The following MRPS6 variants were observed in gnomAD, a reference collection of about 807,000 sequenced individuals.
MRPS6 encodes the protein mitochondrial ribosomal protein S6, also known as small ribosomal subunit protein bS6m.
In MRPS6, 6 loss-of-function variants were observed where a neutral mutation model predicts 13.1. That is an observed-to-expected ratio of 0.46 (90% confidence interval 0.25 to 0.91). The LOEUF is 0.91. MRPS6 is among the 40% of genes least tolerant of loss of function. The pLI is 0.18. For synonymous variants in MRPS6, 61 were observed against 56.5 expected, an observed-to-expected ratio of 1.08 and a Z score of -0.36; for missense variants, 164 against 155.6, an observed-to-expected ratio of 1.05 and a Z score of -0.29.
At chr21:34,108,912 G>T (rs1391550393) in intron 1 of MRPS6, among the ~76,000 whole-genome samples, 1 of 152,148 alleles carries the variant, frequency 6.6e-6, no homozygotes, top group East Asian at 1.9e-4. Context: ...TCCGTGCTGG[G>T]ACTGTGATTC....
chr21:34,106,190 C>T (rs1979467711), intron 1 of MRPS6: 1 of 979,652 alleles, frequency 1.0e-6, no homozygotes, highest in Admixed American at 6.2e-5. Flanking sequence ...TGTCCTGTAA[C>T]TGAAGTATAG....
chr21:34,123,014 A>G (rs780877624), intron 1 of MRPS6: 2 of 152,186 alleles, frequency 1.3e-5, no homozygotes, highest in Non-Finnish European at 2.9e-5. Flanking sequence ...TAATGGGAAG[A>G]GATTTTGGCC....
intron 2 of MRPS6, among the ~76,000 whole-genome samples, chr21:34,139,087 C>CA (rs934932024): frequency 1.3e-5 from 2 of 148,418 alleles, no homozygotes; most frequent in Middle Eastern, 3.5e-3. Flanking sequence ...GTTGCAAGGA[C>CA]AAAAAACCAA....
chr21:34,106,231 G>A lies in MRPS6; in HGVS notation c.46-19110G>A, dbSNP rs977133083. 4 of 933,968 alleles carry A rather than the reference G, an allele frequency of 4.3e-6. No individual in the cohort carries two copies. The African/African-American group carries it at 7.2e-5, about 17-fold the overall frequency. 57.9% of individuals were successfully genotyped at this position (933,968 alleles called of 1,614,324 possible). The stretch of plus-strand genomic sequence containing the variant: ...ATTTTATGGAAATGTTAGCAATTCT[G>A]TACCAACTTTGAATAAAATGAAAAA... On this transcript the variant is annotated intron_variant, in intron 1 of 2. Coordinates refer to ENST00000399312, the MANE Select transcript of MRPS6 (RefSeq NM_032476.4).
At chr21:34,102,919 C>T (rs781341884) in intron 1 of MRPS6, 40 of 999,446 alleles carry the variant, frequency 4.0e-5, no homozygotes, top group Non-Finnish European at 4.8e-5. Flanking sequence ...GTAGGTATCC[C>T]CAACCTAATT....
intron 1 of MRPS6, chr21:34,098,928 A>G (rs1044090730): frequency 3.0e-6 from 3 of 988,922 alleles, no homozygotes; most frequent in Non-Finnish European, 1.2e-6. Flanking sequence ...GCATGATTTT[A>G]CTAGGCTTGT....
At chr21:34,120,510 G>A (rs888114795) in intron 1 of MRPS6, among the ~76,000 whole-genome samples, 1 of 151,836 alleles carries the variant, frequency 6.6e-6, no homozygotes, top group African/African-American at 2.4e-5. Flanking sequence ...TTAGCTCTTG[G>A]GTTTTCCCTA....
chr21:34,101,271 C>G, intron 1 of MRPS6: 1 of 1,000,202 alleles, frequency 1.0e-6, no homozygotes, highest in Non-Finnish European at 1.2e-6. Context: ...TGGCTCTCAG[C>G]TACTTTAAAC....
intron 1 of MRPS6, among the ~76,000 whole-genome samples, chr21:34,090,321 A>C (rs1484409690): frequency 6.6e-6 from 1 of 152,228 alleles, no homozygotes; most frequent in South Asian, 2.1e-4. Flanking sequence ...CTCTGCATCA[A>C]GCGTTAGTAG....
At chr21:34,139,639 A>G (rs934964588) in intron 2 of MRPS6, among the ~76,000 whole-genome samples, 1 of 152,116 alleles carries the variant, frequency 6.6e-6, no homozygotes, top group Non-Finnish European at 1.5e-5. Flanking sequence ...ATGCAGTGAT[A>G]CAATCACGGC....
At chr21:34,104,354 T>C (rs1045061739) in intron 1 of MRPS6, 24 of 1,000,022 alleles carry the variant, frequency 2.4e-5, no homozygotes, top group Non-Finnish European at 2.8e-5. Flanking sequence ...TACTCAGCAT[T>C]GCCCTTTTCC....
chr21:34,090,993 T>C (rs1978655463), intron 1 of MRPS6, among the ~76,000 whole-genome samples: 1 of 149,792 alleles, frequency 6.7e-6, no homozygotes, highest in African/African-American at 2.5e-5. Context: ...TTTTTGTTTT[T>C]GGTAGGTTAC....
intron 1 of MRPS6, chr21:34,099,880 T>TA: frequency 2.7e-6 from 1 of 372,540 alleles, no homozygotes; most frequent in Non-Finnish European, 3.9e-6. Context: ...TTCCCAGTAA[T>TA]AGATAATGTG....
intron 1 of MRPS6, chr21:34,105,167 C>T (rs369161974): frequency 4.0e-6 from 4 of 1,000,148 alleles, no homozygotes; most frequent in East Asian, 2.3e-4. Flanking sequence ...CCCACTGTTA[C>T]TGCTTCAGTT....
intron 1 of MRPS6, among the ~76,000 whole-genome samples, chr21:34,078,356 G>A (rs1023278138): frequency 5.9e-5 from 9 of 152,150 alleles, no homozygotes; most frequent in Non-Finnish European, 1.2e-4. Context: ...GAAGGAAGGA[G>A]TCCTGTTCCT....
chr21:34,105,115 T>C, intron 1 of MRPS6: 1 of 1,000,194 alleles, frequency 1.0e-6, no homozygotes, highest in Non-Finnish European at 1.2e-6. Context: ...CCATACTCCA[T>C]TAGTGTCAGA....
chr21:34,091,742 G>A (rs1403626960), intron 1 of MRPS6, among the ~76,000 whole-genome samples: 1 of 152,112 alleles, frequency 6.6e-6, no homozygotes, highest in Non-Finnish European at 1.5e-5. Flanking sequence ...TGGGAAGAAG[G>A]GGAATCTGCT....
chr21:34,091,579 A>T (rs369056996), intron 1 of MRPS6, among the ~76,000 whole-genome samples: 6 of 152,180 alleles, frequency 3.9e-5, no homozygotes, highest in African/African-American at 1.4e-4. Flanking sequence ...ATTTGGTCAA[A>T]TGCAGCAAAT....
intron 1 of MRPS6, among the ~76,000 whole-genome samples, chr21:34,111,726 C>T (rs1387971112): frequency 2.0e-5 from 3 of 152,174 alleles, no homozygotes; most frequent in Admixed American, 1.3e-4. Context: ...TGCCCCCTTC[C>T]AAGTCTAATT....
Sources: allele counts gnomAD v4.1 joint callset (sites outside exome capture counted in the v4.1 genomes callset), GRCh38; gene constraint gnomAD v4.1.1; transcripts MANE v1.5; gene names NCBI Gene and HGNC (gene_info 2026-07-23, HGNC 2026-07-21).